Variants in ZBTB20 observed in about 807,000 individuals in gnomAD.
The protein encoded by ZBTB20 is zinc finger and BTB domain-containing protein 20.
ZBTB20 carries 9 observed loss-of-function variants against 56.9 expected under a neutral mutation model. The ratio of observed to expected loss-of-function variants is 0.16; its 90% CI spans 0.10 to 0.28. The LOEUF is 0.28. Among genes scored for constraint, ZBTB20 ranks in the 10% least tolerant of loss-of-function variants. ZBTB20 has a pLI of 1.00. For synonymous variants in ZBTB20, 417 were observed against 420.7 expected (o/e 0.99, Z 0.11); for missense variants, 655 against 1,003.0 (o/e 0.65, Z 4.69).
chr3:114,583,384 A>T (rs576872818), intron 6 of ZBTB20, among the ~76,000 whole-genome samples: 1 of 152,220 alleles, frequency 6.6e-6, no homozygotes, highest in Non-Finnish European at 1.5e-5. Flanking sequence ...CTTTTTTCTC[A>T]TGTATTAAAC....
intron 2 of ZBTB20, among the ~76,000 whole-genome samples, chr3:114,993,506 C>T (rs998071225): frequency 6.6e-6 from 1 of 151,520 alleles, no homozygotes; most frequent in Non-Finnish European, 1.5e-5. Context: ...AAAATTCAAC[C>T]ATTATGATCT....
At chr3:114,623,788 A>G (rs2058481594) in intron 6 of ZBTB20, among the ~76,000 whole-genome samples, 1 of 151,830 alleles carries the variant, frequency 6.6e-6, no homozygotes, top group Non-Finnish European at 1.5e-5. Flanking sequence ...CTCCCTGAAT[A>G]CTACCTCCCT....
intron 2 of ZBTB20, among the ~76,000 whole-genome samples, chr3:115,010,040 C>T (rs2079633257): frequency 6.6e-6 from 1 of 151,914 alleles, no homozygotes; most frequent in Admixed American, 6.6e-5. Context: ...AAAGTTTTGT[C>T]TTTCCTTTCC....
intron 1 of ZBTB20, among the ~76,000 whole-genome samples, chr3:115,104,897 G>A (rs1205501095): frequency 6.6e-6 from 1 of 152,164 alleles, no homozygotes; most frequent in Admixed American, 6.5e-5. Context: ...CTTATCATAT[G>A]TAACAAATAT....
At chr3:114,767,957 A>T (rs1267417658) in intron 5 of ZBTB20, among the ~76,000 whole-genome samples, 3 of 152,138 alleles carry the variant, frequency 2.0e-5, no homozygotes, top group African/African-American at 7.2e-5. Context: ...TTACAAATAC[A>T]TATAAAGTAT....
intron 4 of ZBTB20, among the ~76,000 whole-genome samples, chr3:114,857,134 C>T (rs1350602281): frequency 6.6e-6 from 1 of 152,166 alleles, no homozygotes; most frequent in Admixed American, 6.6e-5. Context: ...ACCCCCACTT[C>T]TACCTCTACT....
At chr3:114,526,770 A>G (rs985867232) in intron 6 of ZBTB20, among the ~76,000 whole-genome samples, 2 of 152,202 alleles carry the variant, frequency 1.3e-5, no homozygotes, top group Non-Finnish European at 2.9e-5. Flanking sequence ...TTTATAGGAC[A>G]GGGAAAACAA....
intron 6 of ZBTB20, among the ~76,000 whole-genome samples, chr3:114,645,648 A>C (rs16823073): frequency 0.18 from 27,149 of 152,112 alleles, 3,733 homozygotes; most frequent in African/African-American, 0.37. Flanking sequence ...CTCAAAGGGG[A>C]ATGTTGAGTC....
intron 5 of ZBTB20, among the ~76,000 whole-genome samples, chr3:114,753,325 C>A (rs2037553): frequency 0.61 from 29,238 of 47,748 alleles, 13,589 homozygotes; most frequent in East Asian, 0.91. Context: ...ATATGTATAC[C>A]TGTATATATA....
intron 5 of ZBTB20, among the ~76,000 whole-genome samples, chr3:114,794,112 C>T (rs911967823): frequency 1.3e-5 from 2 of 151,824 alleles, no homozygotes; most frequent in Non-Finnish European, 2.9e-5. Context: ...CACTTACTGG[C>T]TTTGCAATTT....
At chr3:114,557,409 C>A (rs1233705589) in intron 6 of ZBTB20, among the ~76,000 whole-genome samples, 1 of 151,822 alleles carries the variant, frequency 6.6e-6, no homozygotes, top group African/African-American at 2.4e-5. Flanking sequence ...AGTTCTTAAG[C>A]CTTTATTTGA....
At chr3:114,466,082 G>C (rs1440814743) in intron 7 of ZBTB20, among the ~76,000 whole-genome samples, 1 of 151,998 alleles carries the variant, frequency 6.6e-6, no homozygotes, top group Non-Finnish European at 1.5e-5. Flanking sequence ...TAGATACTTA[G>C]ATCTCTAGGG....
chr3:115,142,702 T>A (rs1378754026), intron 1 of ZBTB20, among the ~76,000 whole-genome samples: 1 of 151,824 alleles, frequency 6.6e-6, no homozygotes, highest in Admixed American at 6.6e-5. Flanking sequence ...TGTATTCCAT[T>A]AGTTATAAAG....
intron 2 of ZBTB20, among the ~76,000 whole-genome samples, chr3:115,013,531 C>T (rs1329815317): frequency 6.6e-6 from 1 of 151,590 alleles, no homozygotes; most frequent in East Asian, 1.9e-4. Context: ...GAGATCAAAA[C>T]CATAATAGGA....
At chr3:115,065,988 C>T (rs2082193272) in intron 2 of ZBTB20, among the ~76,000 whole-genome samples, 1 of 152,018 alleles carries the variant, frequency 6.6e-6, no homozygotes, top group African/African-American at 2.4e-5. Context: ...AAAAATGTCT[C>T]CAAGAATAAA....
chr3:114,463,555 G>C (rs894265233), intron 7 of ZBTB20, among the ~76,000 whole-genome samples: 2 of 152,140 alleles, frequency 1.3e-5, no homozygotes, highest in African/African-American at 2.4e-5. Context: ...AACAAATTCA[G>C]TACTATAACA....
chr3:114,922,325 G>C (rs1268473688), intron 3 of ZBTB20, among the ~76,000 whole-genome samples: 4 of 151,974 alleles, frequency 2.6e-5, no homozygotes, highest in Non-Finnish European at 4.4e-5. Flanking sequence ...GGAATTCTTA[G>C]CCAGAGCAAT....
In ZBTB20 at chr3:114,582,427, C is replaced by T. The variant is rs144090168; in HGVS notation, c.-294-82036G>A. On this transcript the variant is annotated intron_variant, in intron 6 of 11. Transcript: ENST00000675478. Reference sequence around the variant, plus strand: ...AAAGACAGAGTCTCACTCTGTCCACCAGGCTGGAGTGCAATGGTGCCATCT... The same window carrying T: ...AAAGACAGAGTCTCACTCTGTCCACTAGGCTGGAGTGCAATGGTGCCATCT... 3.9e-3 allele frequency among the ~76,000 whole-genome samples: 585 copies of T among 151,642 alleles called. 2 individuals carry two copies. The highest frequency in any genetic ancestry group is 0.012 in the African/African-American group (516 of 41,306).
At chr3:114,571,712 C>T (rs995365906) in intron 6 of ZBTB20, among the ~76,000 whole-genome samples, 1 of 152,142 alleles carries the variant, frequency 6.6e-6, no homozygotes, top group Non-Finnish European at 1.5e-5. Context: ...GGACCAGCTG[C>T]ATCAGAACCA....
Sources: gnomAD v4.1 joint callset for allele counts (sites outside exome capture counted in the v4.1 genomes callset) on GRCh38, gnomAD v4.1.1 for gene constraint, MANE v1.5 for transcripts, NCBI Gene and HGNC (gene_info 2026-07-23, HGNC 2026-07-21) for gene names.